The following TPX2 variants were observed in gnomAD, a reference collection of about 807,000 sequenced individuals.
The protein encoded by TPX2 is targeting protein for Xklp2.
TPX2 carries 21 observed loss-of-function variants against 93.6 expected under a neutral mutation model. The ratio of observed to expected loss-of-function variants is 0.22; its 90% CI spans 0.16 to 0.32. TPX2 has a LOEUF of 0.32. TPX2 is among the 10% of genes least tolerant of loss of function. TPX2 has a pLI of 1.00. For synonymous variants in TPX2, 281 were observed against 298.3 expected (o/e 0.94, Z 0.60); for missense variants, 776 against 871.1 (o/e 0.89, Z 1.37).
At chr20:31,778,787 T>G in intron 9 of TPX2, 26 bp from the exon 10 acceptor site, 1 of 1,523,104 alleles carries the variant, frequency 6.6e-7, no homozygotes, top group Non-Finnish European at 8.8e-7. Context: ...GACATTTCAT[T>G]TGGGGAACAA....
intron 2 of TPX2, among the ~76,000 whole-genome samples, chr20:31,743,570 C>T (rs2061765616): frequency 6.6e-6 from 1 of 151,720 alleles, no homozygotes; most frequent in Non-Finnish European, 1.5e-5. Context: ...GTGGCACCTA[C>T]TTGTAGTCCC....
At chr20:31,785,686 CG>C (rs1568602089) in intron 12 of TPX2, among the ~76,000 whole-genome samples, 4 of 151,940 alleles carry the variant, frequency 2.6e-5, no homozygotes, top group Non-Finnish European at 4.4e-5. Flanking sequence ...ATAGTAGAGA[CG>C]GGGTTTCGCC....
chr20:31,774,966 T>C (rs1198676226), intron 7 of TPX2, among the ~76,000 whole-genome samples: 1 of 152,180 alleles, frequency 6.6e-6, no homozygotes, highest in Non-Finnish European at 1.5e-5. Context: ...GTTGTTGCTG[T>C]TGTTGTTTTT....
In TPX2 at chr20:31,800,993, C is replaced by G; in HGVS notation, c.2157C>G (p.Arg719=). ...AGGTGCATAAGGCAAATCCAATACG[C>G]AAGTACCAGGGTCTGGAGATAAAGT... is the stretch of plus-strand genomic sequence containing the variant. The part of the protein sequence containing the change: ...RELVHKANPI[R]KYQGLEIKSS... Residue 719 remains arginine (R), a synonymous_variant, in exon 18 of 18, where the codon CGC becomes CGG. Transcript: ENST00000300403. 1 of 1,614,180 alleles carries G rather than the reference C, an allele frequency of 6.2e-7. No individual in the cohort carries two copies. Among genetic ancestry groups the G allele is most frequent in the Non-Finnish European group, 8.5e-7 (1 of 1,180,016 alleles).
At chr20:31,782,881 TACAC>T (rs1360260543) in intron 11 of TPX2, among the ~76,000 whole-genome samples, 1 of 94,716 alleles carries the variant, frequency 1.1e-5, no homozygotes, top group Non-Finnish European at 2.1e-5. Context: ...GTCTTGCACA[TACAC>T]ACATACACAC....
At chr20:31,792,615 C>T in intron 12 of TPX2, 120 bp from the exon 13 acceptor site, 1 of 941,720 alleles carries the variant, frequency 1.1e-6, no homozygotes, top group Non-Finnish European at 1.7e-6. Context: ...AGTTTGAGAC[C>T]AGCTGGGCAA....
intron 2 of TPX2, among the ~76,000 whole-genome samples, chr20:31,744,236 C>G (rs1309204678): frequency 7.3e-6 from 1 of 136,108 alleles, no homozygotes; most frequent in Admixed American, 7.7e-5. Flanking sequence ...ATCTCTGGCT[C>G]AATGCAACCT....
In TPX2 at chr20:31,794,418, C is replaced by G; in HGVS notation, c.1703C>G (p.Ala568Gly). ...LQKGEVPKFKALPLPHFDTIN... is the reference protein window; with the variant it reads ...LQKGEVPKFKGLPLPHFDTIN... The stretch of plus-strand genomic sequence containing the variant: ...TTCTGTTAGGTGCCCAAGTTCAAGG[C>G]ACTTCCCTTGCCTCATTTTGACACC... The change falls in exon 15 of 18, where the codon GCA becomes GGA. Residue 568 changes from alanine (A) to glycine (G), a missense_variant. Ala to Gly is a moderately conservative substitution (Grantham distance 60). Transcript: ENST00000300403. The G allele has an allele frequency of 6.2e-7, 1 of 1,614,028 alleles. No individual in the cohort carries two copies. Among genetic ancestry groups the G allele is most frequent in the Non-Finnish European group, 8.5e-7 (1 of 1,179,962 alleles).
Position 31,743,556 on chromosome 20 carries a change from C to T in TPX2, c.-71+909C>T, listed in dbSNP as rs115653783. On this transcript the variant is annotated intron_variant, in intron 2 of 17. Transcript: ENST00000300403. ...TAAAACATAAAAAAATTTAACCGGG[C>T]GTGGTGGCACCTACTTGTAGTCCCA... Among the ~76,000 whole-genome samples the T allele has an allele frequency of 4.7e-3, 710 of 151,846 alleles. 10 individuals are homozygous for T. Among genetic ancestry groups the T allele is most frequent in the African/African-American group, 0.016 (655 of 41,386 alleles).
chr20:31,792,816 A>T lies in TPX2; in HGVS notation c.1495A>T (p.Thr499Ser). ...FALKNRIRMP[T>S]KEDEEEDEPV... ...ATTGAAGAACAGAATTCGAATGCCC[A>T]CCAAAGAAGATGAGGTGATTCCCTG... Residue 499 changes from threonine (T) to serine (S), a missense_variant, in exon 13 of 18, where the codon ACC (threonine) becomes TCC (serine). Around this residue, in one of 3 missense-constraint regions of TPX2, gnomAD observed 461 missense variants for 551.2 expected, o/e 0.84. Coordinates refer to ENST00000300403, the MANE Select transcript of TPX2 (RefSeq NM_012112.5). 2 of 1,614,196 alleles carry T rather than the reference A, an allele frequency of 1.2e-6. No homozygotes were observed. Among genetic ancestry groups the T allele is most frequent in the Non-Finnish European group, 1.7e-6 (2 of 1,180,030 alleles).
chr20:31,779,085 T>A, intron 10 of TPX2, 101 bp downstream of exon 10: 1 of 1,305,436 alleles, frequency 7.7e-7, no homozygotes, highest in Non-Finnish European at 1.0e-6. Flanking sequence ...TCCTAGTTTT[T>A]CAATTAAAGT....
Position 31,775,967 on chromosome 20 carries a change from A to G in TPX2, c.709A>G (p.Lys237Glu), listed in dbSNP as rs747300918. Residue 237 changes from lysine to glutamate, a missense_variant, in exon 8 of 18, where the codon AAA (lysine) becomes GAA (glutamate). By Grantham distance (56) the Lys-to-Glu change is moderately conservative (BLOSUM62 1). This residue lies in a region of TPX2 where 279 missense variants were observed against 261.6 expected (regional missense o/e 1.07). Transcript: ENST00000300403. ...GCGGAAAAAGAATGAAGAATTCAAG[A>G]AACTTGCTCTGGCTGGAATAGGTGA... is the stretch of plus-strand genomic sequence containing the variant. ...EMRKKNEEFK[K>E]LALAGIGQPV... is the part of the protein sequence containing the mutation. The G allele has an allele frequency of 1.3e-6, 2 of 1,588,028 alleles. No individual in the cohort carries two copies. The highest frequency in any genetic ancestry group is 3.4e-4 in the Middle Eastern group (2 of 5,908).
At chr20:31,781,086 C>T (rs1222627155) in intron 10 of TPX2, 1 of 185,224 alleles carries the variant, frequency 5.4e-6, no homozygotes, top group Non-Finnish European at 1.2e-5. Flanking sequence ...ACCATGCTTA[C>T]CTAATTTTTA....
chr20:31,758,918 A>T (rs931223181), intron 3 of TPX2, among the ~76,000 whole-genome samples: 1 of 152,254 alleles, frequency 6.6e-6, no homozygotes, highest in African/African-American at 2.4e-5. Flanking sequence ...AGAAAAGATT[A>T]GCCTAAGAAT....
chr20:31,775,211 G>A (rs796640041), intron 7 of TPX2, among the ~76,000 whole-genome samples: 50 of 152,024 alleles, frequency 3.3e-4, no homozygotes, highest in African/African-American at 1.2e-3. Context: ...CACCCGCCTC[G>A]GCCTCCCAAA....
intron 15 of TPX2, among the ~76,000 whole-genome samples, chr20:31,795,031 C>T (rs925603137): frequency 3.3e-5 from 5 of 152,054 alleles, no homozygotes; most frequent in African/African-American, 1.2e-4. Flanking sequence ...CCGTGTTAGC[C>T]AGGATGGTCT....
intron 16 of TPX2, 34 bp downstream of exon 16, chr20:31,797,549 A>T (rs1343683504): frequency 6.3e-7 from 1 of 1,582,622 alleles, no homozygotes; most frequent in East Asian, 2.2e-5. Context: ...GGACTCGGGC[A>T]GAATTGTCAG....
At chr20:31,794,330 C>T in intron 14 of TPX2, 72 bp from the exon 15 acceptor site, 1 of 1,546,656 alleles carries the variant, frequency 6.5e-7, no homozygotes, top group African/African-American at 1.4e-5. Context: ...TCAGATTCTT[C>T]CAGATATTCT....
intron 4 of TPX2, among the ~76,000 whole-genome samples, chr20:31,763,065 G>T (rs192667849): frequency 3.3e-5 from 5 of 152,128 alleles, no homozygotes; most frequent in African/African-American, 1.2e-4. Context: ...ATGCTGTTAT[G>T]GTTACTATAG....
Sources: allele counts gnomAD v4.1 joint callset (sites outside exome capture counted in the v4.1 genomes callset), GRCh38; gene constraint gnomAD v4.1.1; regional missense constraint gnomAD v4.1.1; transcripts MANE v1.5; gene names NCBI Gene and HGNC (gene_info 2026-07-23, HGNC 2026-07-21).